SLC30A8: variants seen among roughly 807,000 people sequenced by gnomAD.
The protein encoded by SLC30A8 is solute carrier family 30 member 8, also known as proton-coupled zinc antiporter SLC30A8.
SLC30A8 carries 27 observed loss-of-function variants against 36.9 expected under a neutral mutation model. The observed-to-expected ratio is 0.73, with a 90% CI of 0.54 to 1.01. The LOEUF is 1.01. Ranked by LOEUF, SLC30A8 falls within the 50% of genes least tolerant of loss-of-function variation. The pLI, the probability that SLC30A8 is intolerant of heterozygous loss-of-function variation, is 0.00. For synonymous variants in SLC30A8, 164 were observed against 172.4 expected, an observed-to-expected ratio of 0.95 and a Z score of 0.38; for missense variants, 439 against 452.0, an observed-to-expected ratio of 0.97 and a Z score of 0.26.
intron 1 of SLC30A8, among the ~76,000 whole-genome samples, chr8:116,974,919 C>T (rs1242201321): frequency 1.3e-5 from 2 of 151,366 alleles, no homozygotes; most frequent in Non-Finnish European, 2.9e-5. Flanking sequence ...CATTATTCTG[C>T]ACAAACTGTC....
At chr8:117,074,090 A>G (rs955190189) in intron 2 of SLC30A8, among the ~76,000 whole-genome samples, 3 of 152,150 alleles carry the variant, frequency 2.0e-5, no homozygotes, top group African/African-American at 7.2e-5. Flanking sequence ...AAAATGTACC[A>G]GAAGGAGACA....
chr8:116,990,576 A>G (rs2130662180), intron 1 of SLC30A8, among the ~76,000 whole-genome samples: 1 of 152,330 alleles, frequency 6.6e-6, no homozygotes, highest in East Asian at 1.9e-4. Context: ...AAATAAGGAA[A>G]GAGTGAGAAA....
At chr8:117,039,309 A>C (rs943367541) in intron 2 of SLC30A8, 3 of 152,182 alleles carry the variant, frequency 2.0e-5, no homozygotes, top group Admixed American at 6.5e-5. Context: ...ATATGTATAA[A>C]TTTGGTAGTA....
intron 6 of SLC30A8, among the ~76,000 whole-genome samples, chr8:117,169,412 T>TA (rs1405364134): frequency 2.0e-5 from 3 of 152,136 alleles, no homozygotes; most frequent in Non-Finnish European, 4.4e-5. Context: ...ACCCCAGGCA[T>TA]AAATGGGTTA....
chr8:117,084,591 C>T (rs762599174), intron 2 of SLC30A8, among the ~76,000 whole-genome samples: 3 of 152,124 alleles, frequency 2.0e-5, no homozygotes, highest in Non-Finnish European at 2.9e-5. Context: ...TTAGGAAGCA[C>T]CACTTTTACA....
intron 4 of SLC30A8, among the ~76,000 whole-genome samples, chr8:117,160,658 C>G (rs182032945): frequency 6.2e-4 from 94 of 152,296 alleles, no homozygotes; most frequent in Non-Finnish European, 1.0e-3. Flanking sequence ...ACACACATGG[C>G]AGATCAGATG....
At chr8:117,102,390 A>G (rs1356162168) in intron 2 of SLC30A8, among the ~76,000 whole-genome samples, 4 of 152,288 alleles carry the variant, frequency 2.6e-5, no homozygotes, top group Non-Finnish European at 5.9e-5. Flanking sequence ...ATTAGTTACC[A>G]TTCATCTCTC....
intron 1 of SLC30A8, among the ~76,000 whole-genome samples, chr8:117,002,461 GGAATTCTC>G (rs1816042127): frequency 6.6e-6 from 1 of 151,902 alleles, no homozygotes; most frequent in Non-Finnish European, 1.5e-5. Context: ...ATAAGGCTTT[GGAATTCTC>G]ACCCCACCAT....
At chr8:117,016,391 G>T (rs1347723921) in intron 1 of SLC30A8, among the ~76,000 whole-genome samples, 2 of 152,132 alleles carry the variant, frequency 1.3e-5, no homozygotes, top group Admixed American at 1.3e-4. Flanking sequence ...AGTTGGGCTG[G>T]GCACTGCAGA....
Position 117,089,406 on chromosome 8 carries a change from A to G in SLC30A8, c.-225-45874A>G, listed in dbSNP as rs142329044. On this transcript the variant is annotated intron_variant, in intron 2 of 10. Transcript: ENST00000427715. Reference sequence around the variant, plus strand: ...AACAAGATTCTTTTTTATGGGGGCAATGGTGGATTCTTATTTCAGAAATGG... The same window carrying G: ...AACAAGATTCTTTTTTATGGGGGCAGTGGTGGATTCTTATTTCAGAAATGG... Among the ~76,000 whole-genome samples, 433 of 152,244 alleles carry G rather than the reference A, an allele frequency of 2.8e-3. 5 individuals carry two copies. The highest frequency in any genetic ancestry group is 0.016 in the Admixed American group (246 of 15,286).
At chr8:116,986,683 C>T (rs1243670099) in intron 1 of SLC30A8, among the ~76,000 whole-genome samples, 1 of 152,074 alleles carries the variant, frequency 6.6e-6, no homozygotes, top group Non-Finnish European at 1.5e-5. Context: ...TGACAGCCTT[C>T]TCAGTCATCA....
intron 5 of SLC30A8, among the ~76,000 whole-genome samples, chr8:117,162,920 G>C (rs1822867633): frequency 6.6e-6 from 1 of 152,220 alleles, no homozygotes; most frequent in African/African-American, 2.4e-5. Context: ...TGCCAGCCTT[G>C]AGTATGTGCA....
chr8:117,024,283 C>T (rs1029170376), intron 1 of SLC30A8, among the ~76,000 whole-genome samples: 1 of 152,186 alleles, frequency 6.6e-6, no homozygotes, highest in Non-Finnish European at 1.5e-5. Context: ...TTTTGTCATT[C>T]TGCTGAATGA....
intron 2 of SLC30A8, among the ~76,000 whole-genome samples, chr8:117,042,777 G>A (rs530645414): frequency 6.6e-6 from 1 of 152,172 alleles, no homozygotes; most frequent in South Asian, 2.1e-4. Context: ...CCGGGTTCAA[G>A]CGATTCTCCT....
At chr8:116,968,206 C>G (rs1814665176) in intron 1 of SLC30A8, among the ~76,000 whole-genome samples, 1 of 151,968 alleles carries the variant, frequency 6.6e-6, no homozygotes, top group African/African-American at 2.4e-5. Context: ...ATCAGCTGTC[C>G]TGCAGCAACA....
intron 1 of SLC30A8, among the ~76,000 whole-genome samples, chr8:117,012,726 C>T (rs1248390997): frequency 2.3e-5 from 3 of 128,078 alleles, no homozygotes; most frequent in African/African-American, 7.9e-5. Context: ...CATATGTATA[C>T]ACACACACAC....
intron 2 of SLC30A8, among the ~76,000 whole-genome samples, chr8:117,077,603 G>A (rs1818531603): frequency 6.6e-6 from 1 of 152,120 alleles, no homozygotes; most frequent in African/African-American, 2.4e-5. Flanking sequence ...TCTGAAACTG[G>A]GATGTACCTT....
At position 117,174,183 on chromosome 8, in the gene SLC30A8, T is replaced by C. The variant is rs1823547844; in HGVS notation, c.*1502T>C. The C allele has an allele frequency of 6.6e-6, 1 of 152,126 alleles. No homozygotes were observed. The highest frequency in any genetic ancestry group is 2.4e-5 in the African/African-American group (1 of 41,442). 9.4% of individuals were successfully genotyped at this position (152,126 alleles called of 1,614,324 possible). A position where few individuals can be genotyped will look rare whatever the true frequency, so the allele number is the denominator to read the frequency against. On this transcript the variant is annotated 3_prime_UTR_variant, in exon 8 of 8. Transcript: ENST00000456015. ...GAACAGGAGATAGGTCTTAGATGAT[T>C]TTTATGTTGTTGTCAGACTCTAGCA...
At position 117,129,235 on chromosome 8, in the gene SLC30A8, C is replaced by T. The variant is rs1474458902; in HGVS notation, c.-225-6045C>T. ...GATGTGTTTGAGCAGACAATGAATC[C>T]GTTGTGCTCAAACTTTAGGACTAGT... On this transcript the variant is annotated intron_variant, in intron 2 of 10. Transcript: ENST00000427715. Among the ~76,000 whole-genome samples the T allele has an allele frequency of 2.0e-5, 3 of 152,078 alleles. No homozygotes were observed. The East Asian group carries it at 5.8e-4, about 30-fold the overall frequency.
Sources: allele counts gnomAD v4.1 joint callset (sites outside exome capture counted in the v4.1 genomes callset), GRCh38; gene constraint gnomAD v4.1.1; transcripts MANE v1.5; gene names NCBI Gene and HGNC (gene_info 2026-07-23, HGNC 2026-07-21).